UBAP2: variants seen among roughly 807,000 people sequenced by gnomAD.
UBAP2 encodes ubiquitin-associated protein 2.
In UBAP2, 75 loss-of-function variants were observed where a neutral mutation model predicts 139.6. That is an observed-to-expected ratio of 0.54 (90% CI 0.45 to 0.65). The LOEUF (loss-of-function observed/expected upper bound fraction) is 0.65. UBAP2 is among the 30% of genes least tolerant of loss of function. The pLI is 0.00. For missense variants in UBAP2, 1,368 were observed against 1,369.6 expected, an observed-to-expected ratio of 1.00 and a Z score of 0.02; for synonymous variants, 526 against 526.2, an observed-to-expected ratio of 1.00 and a Z score of 0.01.
intron 9 of UBAP2, 64 bp from the exon 10 acceptor site, chr9:33,960,942 G>A: frequency 6.6e-7 from 1 of 1,523,728 alleles, no homozygotes. Flanking sequence ...CAGTCCAAAT[G>A]ATTCCTTTTT....
intron 16 of UBAP2, chr9:33,938,805 A>AC: frequency 2.4e-6 from 1 of 415,744 alleles, no homozygotes; most frequent in South Asian, 1.8e-5. Context: ...CAAAAAAAAA[A>AC]AAAAAAAAGC....
intron 1 of UBAP2, among the ~76,000 whole-genome samples, chr9:34,020,891 T>C (rs191800334): frequency 6.6e-6 from 1 of 151,348 alleles, no homozygotes; most frequent in African/African-American, 2.4e-5. Context: ...CGCGATCTCC[T>C]GACCTCGTGA....
intron 16 of UBAP2, among the ~76,000 whole-genome samples, chr9:33,939,849 AGGG>A (rs1824987814): frequency 6.8e-4 from 1 of 1,476 alleles, no homozygotes; most frequent in Non-Finnish European, 1.3e-3. Flanking sequence ...GAGGGGGAGG[AGGG>A]GGAGGGGGAG....
intron 2 of UBAP2, among the ~76,000 whole-genome samples, chr9:34,016,370 C>CGGCGGCGGCGGCGGT (rs1321174650): frequency 1.1e-5 from 1 of 93,690 alleles, no homozygotes; most frequent in African/African-American, 4.9e-5. Flanking sequence ...GCGGCAGCGG[C>CGGCGGCGGCGGCGGT]GGTGGTGGTG....
rs575574921 is a variant in UBAP2 at position 33,978,681 on chromosome 9, G to A, written c.521-5444C>T. ...TATAGTCCCAACTATTCGGGAGGCT[G>A]AGGCAGGAGAATGGCGTGAACCCAG... On this transcript the variant is annotated intron_variant, in intron 6 of 28. Transcript: ENST00000379238. 3.3e-5 allele frequency among the ~76,000 whole-genome samples: 5 copies of A among 152,278 alleles called. No individual in the cohort carries two copies. In the South Asian group the frequency reaches 8.3e-4, roughly 25 times the overall value.
At chr9:33,969,776 G>GA (rs1827767622) in intron 8 of UBAP2, among the ~76,000 whole-genome samples, 1 of 151,346 alleles carries the variant, frequency 6.6e-6, no homozygotes, top group African/African-American at 2.4e-5. Flanking sequence ...TGAAGCAAGA[G>GA]AATCGCTTGA....
chr9:34,046,424 A>G (rs1045764239), intron 1 of UBAP2, among the ~76,000 whole-genome samples: 2 of 152,070 alleles, frequency 1.3e-5, no homozygotes, highest in Non-Finnish European at 2.9e-5. Context: ...CAGGCGGATC[A>G]CGGGGTCAGG....
intron 2 of UBAP2, among the ~76,000 whole-genome samples, chr9:34,016,273 AAGGAGGAAGAGG>A (rs1424012160): frequency 9.3e-5 from 1 of 10,702 alleles, no homozygotes; most frequent in Non-Finnish European, 2.8e-4. Context: ...GGAGGAAGAG[AAGGAGGAAGAGG>A]AGGAGGAGGA....
At chr9:34,024,445 G>C (rs1825235700) in intron 1 of UBAP2, among the ~76,000 whole-genome samples, 1 of 152,040 alleles carries the variant, frequency 6.6e-6, no homozygotes, top group Admixed American at 6.6e-5. Flanking sequence ...AGATTAACTT[G>C]TCTTCTGTCA....
chr9:34,024,397 G>C (rs1825232315), intron 1 of UBAP2, among the ~76,000 whole-genome samples: 1 of 151,864 alleles, frequency 6.6e-6, no homozygotes, highest in South Asian at 2.1e-4. Context: ...AATTGTAAGG[G>C]CCTCAGGACA....
At chr9:34,044,109 A>T (rs1827344969) in intron 1 of UBAP2, among the ~76,000 whole-genome samples, 1 of 150,680 alleles carries the variant, frequency 6.6e-6, no homozygotes, top group African/African-American at 2.5e-5. Context: ...AAAAAAAAAA[A>T]AAAATTAGCC....
intron 17 of UBAP2, among the ~76,000 whole-genome samples, chr9:33,934,659 C>T (rs1010816855): frequency 2.0e-5 from 3 of 152,050 alleles, no homozygotes; most frequent in Non-Finnish European, 4.4e-5. Context: ...TCACAGGAAG[C>T]CTCTCTCAAA....
intron 16 of UBAP2, among the ~76,000 whole-genome samples, chr9:33,941,340 C>T (rs2130925181): frequency 6.6e-6 from 1 of 152,224 alleles, no homozygotes; most frequent in South Asian, 2.1e-4. Flanking sequence ...AGAGAGAAAG[C>T]AGTACATGAA....
intron 9 of UBAP2, among the ~76,000 whole-genome samples, chr9:33,963,014 AAAAAGAC>A (rs1827188189): frequency 6.6e-6 from 1 of 151,950 alleles, no homozygotes; most frequent in South Asian, 2.1e-4. Context: ...AATAAAAATA[AAAAAGAC>A]TGGCCTACCA....
At chr9:33,943,640 C>A in intron 14 of UBAP2, 51 bp from the exon 15 acceptor site, 1 of 1,595,050 alleles carries the variant, frequency 6.3e-7, no homozygotes, top group South Asian at 1.1e-5. Context: ...GATTCCAGGT[C>A]ACAAAGGCCT....
rs556970115 is a variant in UBAP2 at position 33,992,485 on chromosome 9, G to T, written c.289-3359C>A. Among the ~76,000 whole-genome samples, 3 of 151,688 alleles carry T rather than the reference G, an allele frequency of 2.0e-5. No homozygotes were observed. The South Asian group carries it at 6.2e-4, about 32-fold the overall frequency. On this transcript the variant is annotated intron_variant, in intron 4 of 28. Transcript: ENST00000379238. The stretch of plus-strand genomic sequence containing the variant: ...TGAGGCAGGAGAACTGCTTGAACCT[G>T]GGAGGCAGAGGTTGCAGTGAGCTGA...
intron 19 of UBAP2, among the ~76,000 whole-genome samples, chr9:33,930,949 A>T (rs958679292): frequency 2.0e-5 from 3 of 150,982 alleles, no homozygotes; most frequent in Non-Finnish European, 4.4e-5. Context: ...GACTACATGT[A>T]TGCACTGCGT....
chr9:34,039,558 C>G (rs1292884698), intron 1 of UBAP2, among the ~76,000 whole-genome samples: 1 of 152,072 alleles, frequency 6.6e-6, no homozygotes, highest in Non-Finnish European at 1.5e-5. Flanking sequence ...TTACCCCCAA[C>G]CCCGTGCTCT....
chr9:33,926,770 G>A, intron 21 of UBAP2, 106 bp from the exon 22 acceptor site: 1 of 1,223,628 alleles, frequency 8.2e-7, no homozygotes. Context: ...AACACACCCG[G>A]GAATGGGATC....
Sources: gnomAD v4.1 joint callset for allele counts (sites outside exome capture counted in the v4.1 genomes callset) on GRCh38, gnomAD v4.1.1 for gene constraint, MANE v1.5 for transcripts, NCBI Gene and HGNC (gene_info 2026-07-23, HGNC 2026-07-21) for gene names.